Variants in AMN observed in about 807,000 individuals in gnomAD.
AMN encodes the protein amnion associated transmembrane protein.
In AMN, 40 loss-of-function variants were observed where a neutral mutation model predicts 49.1. That is an observed-to-expected ratio of 0.81 (90% CI 0.63 to 1.06). AMN has a LOEUF of 1.06. Among genes scored for constraint, AMN ranks in the 50% least tolerant of loss-of-function variants. The probability of loss-of-function intolerance (pLI) is 0.00; values close to 1 mark genes in which losing one functional copy is unlikely to be tolerated. For synonymous variants in AMN, 380 were observed against 313.3 expected, an observed-to-expected ratio of 1.21 and a Z score of -2.25; for missense variants, 701 against 662.8, an observed-to-expected ratio of 1.06 and a Z score of -0.63.
At position 102,923,483 on chromosome 14, in the gene AMN, T is replaced by C. The variant is rs980535061; in HGVS notation, c.44-228T>C. Reference sequence around the variant, plus strand: ...AGGCAGGCGTCCTGCAGGGCGCGTTTGAGCGGGCTCTGCAGGTATCAGTAG... The same window carrying C: ...AGGCAGGCGTCCTGCAGGGCGCGTTCGAGCGGGCTCTGCAGGTATCAGTAG... On this transcript the variant is annotated intron_variant, in intron 1 of 11. Transcript: ENST00000299155. 2.5e-5 allele frequency: 14 copies of C among 552,112 alleles called. No homozygotes were observed. The Admixed American group carries it at 3.7e-4, about 15-fold the overall frequency. The allele number at this position is 552,112 out of a possible 1,614,324, so 34.2% of individuals were successfully genotyped here. A position where few individuals can be genotyped will look rare whatever the true frequency, so the allele number is the denominator to read the frequency against.
intron 6 of AMN, 71 bp from the exon 7 acceptor site, chr14:102,929,357 T>A (rs983968057): frequency 3.3e-6 from 5 of 1,510,388 alleles, no homozygotes; most frequent in Non-Finnish European, 4.4e-6. Flanking sequence ...CCGGCTTGCT[T>A]CTCGGAGGCA....
intron 7 of AMN, 48 bp downstream of exon 7, chr14:102,929,584 A>C: frequency 6.5e-7 from 1 of 1,545,624 alleles, no homozygotes; most frequent in African/African-American, 1.4e-5. Context: ...CTGGAGGACC[A>C]GGTTCGTCCC....
At chr14:102,925,499 C>T (rs144600771) in intron 3 of AMN, among the ~76,000 whole-genome samples, 27 of 152,282 alleles carry the variant, frequency 1.8e-4, no homozygotes, top group African/African-American at 5.8e-4. Context: ...CCTTGTGGCC[C>T]GGCCCCCAGA....
In AMN at chr14:102,928,990, G is replaced by A; in HGVS notation, c.513+15G>A. ...CTCTGGGCCGGGTGAGCACTGAGGG[G>A]AGGGAGGCTCGGGTCCCCTCTCCCC... On this transcript the variant is annotated intron_variant, in intron 5 of 11. Transcript: ENST00000299155. 3.8e-6 allele frequency: 6 copies of A among 1,597,158 alleles called. No individual in the cohort carries two copies. Among genetic ancestry groups the A allele is most frequent in the Non-Finnish European group, 5.1e-6 (6 of 1,178,882 alleles).
rs1056884144 is a variant in AMN, at chr14:102,928,280, C to T, written c.208-146C>T. The T allele has an allele frequency of 2.0e-5, 14 of 685,818 alleles. No homozygotes were observed. In the African/African-American group the frequency reaches 2.4e-4, roughly 12 times the overall value. 42.5% of individuals were successfully genotyped at this position (685,818 alleles called of 1,614,324 possible). On this transcript the variant is annotated intron_variant, in intron 3 of 11. Transcript: ENST00000299155. The stretch of plus-strand genomic sequence containing the variant: ...ATCCGCTTCCTCTGCCAGCCTCAGC[C>T]AGGCCGAGGACCCCGGGCCTGAGCT...
At position 102,922,871 on chromosome 14, in the gene AMN, T is replaced by C. The variant is rs913086493; in HGVS notation, c.43+140T>C. ...CTTTGGAGGGTTGGGGGCGTGAAAC[T>C]CGGCCCTGCCTCCCTCGTCTGGCGA... On this transcript the variant is annotated intron_variant, in intron 1 of 11. Transcript: ENST00000299155. The C allele has an allele frequency of 4.1e-6, 5 of 1,213,436 alleles. No individual in the cohort carries two copies. In the African/African-American group the frequency reaches 6.1e-5, roughly 15 times the overall value. The allele number at this position is 1,213,436 out of a possible 1,614,324, so 75.2% of individuals were successfully genotyped here.
intron 3 of AMN, among the ~76,000 whole-genome samples, chr14:102,927,746 G>A (rs1260499167): frequency 6.6e-6 from 1 of 152,218 alleles, no homozygotes; most frequent in Non-Finnish European, 1.5e-5. Flanking sequence ...GGAGGCTGAG[G>A]TCCTGGCACT....
intron 11 of AMN, 21 bp from the exon 12 acceptor site, chr14:102,930,554 GC>G (rs1475598293): frequency 6.4e-7 from 1 of 1,555,342 alleles, no homozygotes; most frequent in Non-Finnish European, 8.7e-7. Context: ...GCCGACCGCC[GC>G]CTGACCCTGT....
At chr14:102,922,987 G>A in intron 1 of AMN, 1 of 517,968 alleles carries the variant, frequency 1.9e-6, no homozygotes, top group South Asian at 2.6e-5. Context: ...CCCGGCCTCC[G>A]GCGGCTCCTG....
intron 3 of AMN, among the ~76,000 whole-genome samples, chr14:102,927,849 G>A (rs1166204955): frequency 6.6e-6 from 1 of 152,162 alleles, no homozygotes; most frequent in African/African-American, 2.4e-5. Flanking sequence ...TCTGTGGTGC[G>A]GGAGCTGCAC....
At position 102,924,136 on chromosome 14, in the gene AMN, G is replaced by C. The variant is rs74082982; in HGVS notation, c.207+157G>C. On this transcript the variant is annotated intron_variant, in intron 3 of 11. Transcript: ENST00000299155. ...GAGAATATTCTAGGAGGCAGGGAGTGGGGGGGAACCTAGGGGAGCTTGGTC... is the reference window on the plus strand; with the variant it reads ...GAGAATATTCTAGGAGGCAGGGAGTCGGGGGGAACCTAGGGGAGCTTGGTC... Among the ~76,000 whole-genome samples the C allele has an allele frequency of 0.015, 2,325 of 152,174 alleles. 63 individuals are homozygous for C. Among genetic ancestry groups the C allele is most frequent in the African/African-American group, 0.051 (2,109 of 41,520 alleles).
intron 3 of AMN, 100 bp from the exon 4 acceptor site, chr14:102,928,326 A>G (rs1247285841): frequency 9.8e-6 from 11 of 1,122,524 alleles, no homozygotes; most frequent in Non-Finnish European, 1.3e-5. Context: ...CCTTCCGTGC[A>G]CAGGGTCTCG....
At chr14:102,929,881 A>T in intron 8 of AMN, 43 bp from the exon 9 acceptor site, 1 of 1,548,738 alleles carries the variant, frequency 6.5e-7, no homozygotes. Flanking sequence ...AGGCTCGGGG[A>T]GGGCGGGGGG....
At chr14:102,928,708 G>A in intron 4 of AMN, 50 bp from the exon 5 acceptor site, 1 of 1,575,942 alleles carries the variant, frequency 6.3e-7, no homozygotes, top group African/African-American at 1.3e-5. Flanking sequence ...GCGTGGCGTG[G>A]TGTGGCGCGG....
intron 1 of AMN, chr14:102,922,939 G>T: frequency 1.5e-6 from 1 of 685,834 alleles, no homozygotes; most frequent in South Asian, 2.2e-5. Context: ...CGGGCGGTGC[G>T]GGAGAGGAGA....
In AMN at chr14:102,928,969, G is replaced by A. The variant is rs771099283; in HGVS notation, c.507G>A (p.Leu169=). The A allele has an allele frequency of 2.5e-6, 4 of 1,598,710 alleles. No homozygotes were observed. In the South Asian group the frequency reaches 3.3e-5, roughly 13 times the overall value. Residue 169 remains leucine (L), a synonymous_variant, in exon 5 of 12, where the codon CTG becomes CTA. Transcript: ENST00000299155. ...TGCGTGTCCGCAGCATCTCGGCTCTGGGCCGGGTGAGCACTGAGGGGAGGG... is the reference window on the plus strand; with the variant it reads ...TGCGTGTCCGCAGCATCTCGGCTCTAGGCCGGGTGAGCACTGAGGGGAGGG... ...SPVRVRSISA[L]GRTFTRDEDL...
chr14:102,928,662 C>T, intron 4 of AMN, 96 bp from the exon 5 acceptor site: 2 of 1,509,838 alleles, frequency 1.3e-6, no homozygotes, highest in Non-Finnish European at 8.9e-7. Flanking sequence ...CGAAGCGGGG[C>T]TTGGGAGGTC....
At chr14:102,928,083 G>A (rs944367125) in intron 3 of AMN, among the ~76,000 whole-genome samples, 6 of 152,152 alleles carry the variant, frequency 3.9e-5, no homozygotes, top group Non-Finnish European at 8.8e-5. Context: ...GCTACGGGGG[G>A]AGGCGACAGG....
intron 3 of AMN, among the ~76,000 whole-genome samples, chr14:102,924,649 C>A (rs1005600024): frequency 6.6e-6 from 1 of 152,136 alleles, no homozygotes; most frequent in African/African-American, 2.4e-5. Flanking sequence ...CCCTAGGGGA[C>A]CTTTTTCTCA....
Sources: gnomAD v4.1 joint callset for allele counts (sites outside exome capture counted in the v4.1 genomes callset) on GRCh38, gnomAD v4.1.1 for gene constraint, MANE v1.5 for transcripts, NCBI Gene and HGNC (gene_info 2026-07-23, HGNC 2026-07-21) for gene names.